The following CRY1 variants were observed in gnomAD, a reference collection of about 807,000 sequenced individuals.
CRY1 encodes the protein cryptochrome circadian regulator 1.
A neutral mutation model predicts 76.0 loss-of-function variants in CRY1; 45 were observed. The observed-to-expected ratio is 0.59, with a 90% CI of 0.47 to 0.76. CRY1 has a LOEUF of 0.76. CRY1 is among the 30% of genes least tolerant of loss of function. CRY1 has a pLI of 0.00. For synonymous variants in CRY1, 248 were observed against 244.0 expected, an observed-to-expected ratio of 1.02 and a Z score of -0.15; for missense variants, 587 against 716.4, an observed-to-expected ratio of 0.82 and a Z score of 2.06.
rs139623372 is a variant in CRY1, at chr12:107,089,537, A to G, written c.158+3267T>C. Among the ~76,000 whole-genome samples the G allele has an allele frequency of 2.0e-5, 3 of 152,210 alleles. No individual in the cohort carries two copies. The East Asian group carries it at 5.8e-4, about 29-fold the overall frequency. On this transcript the variant is annotated intron_variant, in intron 1 of 12. Transcript: ENST00000008527. The stretch of plus-strand genomic sequence containing the variant: ...TTTAAATATAAAACATCCTTTTTAA[A>G]TGAAAGGATGGCAATATCAAAAAGT...
chr12:107,049,100 G>A (rs1952884841), intron 1 of CRY1, among the ~76,000 whole-genome samples: 1 of 152,116 alleles, frequency 6.6e-6, no homozygotes, highest in Non-Finnish European at 1.5e-5. Flanking sequence ...GCTTGTATAG[G>A]ATATTTTACT....
chr12:107,087,944 T>C (rs1482632431), intron 1 of CRY1, among the ~76,000 whole-genome samples: 1 of 152,034 alleles, frequency 6.6e-6, no homozygotes, highest in African/African-American at 2.4e-5. Flanking sequence ...GAGGCTGAGG[T>C]GGGACAACTG....
At chr12:107,044,742 A>C (rs1952831964) in intron 1 of CRY1, among the ~76,000 whole-genome samples, 1 of 152,250 alleles carries the variant, frequency 6.6e-6, no homozygotes, top group Non-Finnish European at 1.5e-5. Flanking sequence ...AAAGAAATAC[A>C]TTAGAGAGCT....
chr12:107,065,358 C>G (rs1953097425), intron 1 of CRY1, among the ~76,000 whole-genome samples: 1 of 151,994 alleles, frequency 6.6e-6, no homozygotes. Flanking sequence ...TTTGGGAAGC[C>G]AAGGCGGGCG....
intron 1 of CRY1, among the ~76,000 whole-genome samples, chr12:107,072,113 T>C (rs1003444605): frequency 2.0e-5 from 3 of 152,252 alleles, no homozygotes; most frequent in African/African-American, 4.8e-5. Context: ...CTTTTTGGAA[T>C]TGAATTCTCT....
At chr12:107,042,668 C>G (rs540465538) in intron 1 of CRY1, among the ~76,000 whole-genome samples, 1 of 152,244 alleles carries the variant, frequency 6.6e-6, no homozygotes, top group East Asian at 1.9e-4. Context: ...GACAGAACAA[C>G]AAATAAACAA....
intron 1 of CRY1, among the ~76,000 whole-genome samples, chr12:107,069,643 A>AAGTATATATATAT (rs1953161227): frequency 4.5e-5 from 3 of 66,718 alleles, no homozygotes; most frequent in African/African-American, 1.7e-4. Context: ...TATATATATA[A>AAGTATATATATAT]AAAGTATATA....
chr12:107,030,080 C>T (rs954262545), intron 1 of CRY1, among the ~76,000 whole-genome samples: 10 of 152,078 alleles, frequency 6.6e-5, no homozygotes, highest in Non-Finnish European at 1.3e-4. Flanking sequence ...TCACCACTTC[C>T]CACTGTCCAA....
intron 1 of CRY1, among the ~76,000 whole-genome samples, chr12:107,068,359 A>G (rs1054854343): frequency 6.6e-6 from 1 of 152,134 alleles, no homozygotes; most frequent in Non-Finnish European, 1.5e-5. Flanking sequence ...GTGCAGTGCC[A>G]TGATCTTGGC....
chr12:106,997,903 C>T lies in CRY1; in HGVS notation c.1289+12G>A. Reference sequence around the variant, plus strand: ...ACTATTCCAAACTGAGTAGTAATCACCCTTGATTTACCTGATATAGTCTCC... The same window carrying T: ...ACTATTCCAAACTGAGTAGTAATCATCCTTGATTTACCTGATATAGTCTCC... On this transcript the variant is annotated intron_variant, in intron 8 of 12. Transcript: ENST00000008527. 6.2e-7 allele frequency: 1 copy of T among 1,611,882 alleles called. No individual in the cohort carries two copies.
chr12:107,092,340 C>T (rs148480934), intron 1 of CRY1, among the ~76,000 whole-genome samples: 11 of 152,312 alleles, frequency 7.2e-5, no homozygotes, highest in African/African-American at 2.4e-4. Flanking sequence ...CCACAGTAAC[C>T]TCAAGGTGGA....
At chr12:107,019,960 C>T (rs1952536198) in intron 2 of CRY1, among the ~76,000 whole-genome samples, 1 of 152,092 alleles carries the variant, frequency 6.6e-6, no homozygotes, top group Non-Finnish European at 1.5e-5. Flanking sequence ...ACTTAGGATT[C>T]ATTTTATTTA....
At chr12:107,032,501 CTG>C (rs1212064668) in intron 1 of CRY1, among the ~76,000 whole-genome samples, 1 of 125,554 alleles carries the variant, frequency 8.0e-6, no homozygotes, top group Non-Finnish European at 1.8e-5. Flanking sequence ...TCTGAGATAA[CTG>C]TTACAGACAC....
chr12:107,092,727 T>C, intron 1 of CRY1, 77 bp downstream of exon 1: 3 of 1,573,248 alleles, frequency 1.9e-6, no homozygotes, highest in Non-Finnish European at 2.6e-6. Flanking sequence ...ATTCACAGAT[T>C]TGGCGGATCG....
intron 1 of CRY1, among the ~76,000 whole-genome samples, chr12:107,051,013 A>C (rs954374490): frequency 3.9e-5 from 6 of 152,208 alleles, no homozygotes; most frequent in Non-Finnish European, 8.8e-5. Context: ...AATAAATCCA[A>C]TTAAGATAGC....
chr12:107,021,452 C>T (rs141685681), intron 2 of CRY1, among the ~76,000 whole-genome samples: 1 of 152,188 alleles, frequency 6.6e-6, no homozygotes, highest in Admixed American at 6.5e-5. Context: ...TTTATACTAG[C>T]AAAAGGCCTA....
chr12:107,032,771 T>A (rs943471521), intron 1 of CRY1, among the ~76,000 whole-genome samples: 1 of 152,234 alleles, frequency 6.6e-6, no homozygotes, highest in Non-Finnish European at 1.5e-5. Context: ...ATCACTTCCC[T>A]GCACTCTAGC....
chr12:107,043,668 T>C (rs1952822749), intron 1 of CRY1, among the ~76,000 whole-genome samples: 1 of 152,198 alleles, frequency 6.6e-6, no homozygotes, highest in South Asian at 2.1e-4. Flanking sequence ...GTTGCTGAGA[T>C]ACCCATCTCC....
chr12:107,022,245 C>T, intron 1 of CRY1, 53 bp from the exon 2 acceptor site: 4 of 1,083,822 alleles, frequency 3.7e-6, no homozygotes, highest in Non-Finnish European at 5.2e-6. Flanking sequence ...ATTTAGAAGA[C>T]ATAAATTATT....
Sources: allele counts gnomAD v4.1 joint callset (sites outside exome capture counted in the v4.1 genomes callset), GRCh38; gene constraint gnomAD v4.1.1; transcripts MANE v1.5; gene names NCBI Gene and HGNC (gene_info 2026-07-23, HGNC 2026-07-21).